The following LIMCH1 variants were observed in gnomAD, a reference collection of about 807,000 sequenced individuals.
The protein encoded by LIMCH1 is LIM and calponin homology domains-containing protein 1.
LIMCH1 carries 113 observed loss-of-function variants against 176.5 expected under a neutral mutation model. The ratio of observed to expected loss-of-function variants is 0.64; its 90% confidence interval spans 0.55 to 0.75. The LOEUF is 0.75. LIMCH1 is among the 30% of genes least tolerant of loss of function. The probability of loss-of-function intolerance (pLI) is 0.00; values close to 1 mark genes in which losing one functional copy is unlikely to be tolerated. For synonymous variants in LIMCH1, 619 were observed against 645.9 expected, an observed-to-expected ratio of 0.96 and a Z score of 0.63; for missense variants, 1,674 against 1,814.9, an observed-to-expected ratio of 0.92 and a Z score of 1.41.
chr4:41,583,113 T>C (rs374095648), intron 1 of LIMCH1, among the ~76,000 whole-genome samples: 1 of 152,216 alleles, frequency 6.6e-6, no homozygotes, highest in Non-Finnish European at 1.5e-5. Context: ...ATGGAACTTA[T>C]TTTAAACATC....
chr4:41,379,600 A>C (rs1467570245), intron 1 of LIMCH1, among the ~76,000 whole-genome samples: 1 of 152,206 alleles, frequency 6.6e-6, no homozygotes, highest in Non-Finnish European at 1.5e-5. Context: ...TAAAGCCATC[A>C]TAAGTGGCTA....
intron 18 of LIMCH1, among the ~76,000 whole-genome samples, chr4:41,660,443 A>G (rs2094581188): frequency 6.6e-6 from 1 of 152,236 alleles, no homozygotes; most frequent in African/African-American, 2.4e-5. Flanking sequence ...AGTGAGGTTC[A>G]AATCACAGAG....
At chr4:41,419,468 C>T (rs957508408) in intron 1 of LIMCH1, among the ~76,000 whole-genome samples, 3 of 152,124 alleles carry the variant, frequency 2.0e-5, no homozygotes, top group Non-Finnish European at 2.9e-5. Flanking sequence ...GCCACCATAC[C>T]CGGCCAAGTC....
At chr4:41,632,708 C>T in intron 10 of LIMCH1, 41 bp from the exon 11 acceptor site, 1 of 1,465,230 alleles carries the variant, frequency 6.8e-7, no homozygotes, top group Admixed American at 2.0e-5. Flanking sequence ...AACCCATGTT[C>T]CTCTCCTCTC....
Position 41,666,650 on chromosome 4 carries a change from A to C in LIMCH1, c.3381A>C (p.Pro1127=). The change falls in exon 21 of 32, where the codon CCA becomes CCC. Residue 1127 remains proline, a synonymous_variant. Coordinates refer to ENST00000503057, the MANE Select transcript of LIMCH1 (RefSeq NM_001330672.2). ...KMPEANQLHL[P]NLNSQVDSPS... is the part of the protein sequence containing the mutation. The stretch of plus-strand genomic sequence containing the variant: ...CTGAAGCCAACCAACTACATTTGCC[A>C]AATCTCAATTCTCAAGGTAAAGAGG... 6.2e-7 allele frequency: 1 copy of C among 1,611,182 alleles called. No individual in the cohort carries two copies. Among genetic ancestry groups the C allele is most frequent in the Non-Finnish European group, 8.5e-7 (1 of 1,177,306 alleles).
intron 1 of LIMCH1, among the ~76,000 whole-genome samples, chr4:41,468,630 A>G (rs566380120): frequency 5.3e-5 from 8 of 152,030 alleles, no homozygotes; most frequent in African/African-American, 1.9e-4. Flanking sequence ...ATATCTTACC[A>G]TTCTAAAATG....
intron 2 of LIMCH1, among the ~76,000 whole-genome samples, chr4:41,517,631 CCT>C (rs2075720425): frequency 6.6e-6 from 1 of 152,098 alleles, no homozygotes; most frequent in South Asian, 2.1e-4. Context: ...ATTTGAAACT[CCT>C]CTGTTTCACA....
intron 1 of LIMCH1, among the ~76,000 whole-genome samples, chr4:41,384,306 G>A (rs1439391987): frequency 7.2e-5 from 11 of 151,846 alleles, no homozygotes; most frequent in African/African-American, 2.2e-4. Flanking sequence ...CTGGGTTGAC[G>A]CCATTCTCCT....
intron 21 of LIMCH1, chr4:41,670,847 C>G (rs1398953372): frequency 6.5e-7 from 1 of 1,529,642 alleles, no homozygotes; most frequent in Non-Finnish European, 8.7e-7. Flanking sequence ...CATGTTGGGG[C>G]GATCAATGAT....
chr4:41,428,131 C>T (rs1339787527), intron 1 of LIMCH1, among the ~76,000 whole-genome samples: 8 of 152,170 alleles, frequency 5.3e-5, no homozygotes, highest in Non-Finnish European at 1.2e-4. Flanking sequence ...GGAGGGGTGT[C>T]GACTTTCTCA....
intron 1 of LIMCH1, among the ~76,000 whole-genome samples, chr4:41,444,530 T>C (rs1444642042): frequency 6.6e-6 from 1 of 152,188 alleles, no homozygotes; most frequent in Non-Finnish European, 1.5e-5. Flanking sequence ...GTGGTGTCTC[T>C]TCATTGGCCA....
chr4:41,605,962 A>C lies in LIMCH1; in HGVS notation c.-34A>C. On this transcript the variant is annotated 5_prime_UTR_variant, in exon 4 of 32. Coordinates refer to ENST00000503057, the MANE Select transcript of LIMCH1 (RefSeq NM_001330672.2). The stretch of plus-strand genomic sequence containing the variant: ...GCACATCCTACAGCGGAACGACACT[A>C]AACCTGAAGGAGTTTGAAGGATTGT... The C allele has an allele frequency of 6.2e-7, 1 of 1,613,826 alleles. No individual in the cohort carries two copies. The highest frequency in any genetic ancestry group is 1.1e-5 in the South Asian group (1 of 91,078).
intron 1 of LIMCH1, among the ~76,000 whole-genome samples, chr4:41,581,817 A>AAAAAAAAAAAAAAC (rs2085513425): frequency 6.6e-6 from 1 of 150,696 alleles, no homozygotes; most frequent in Non-Finnish European, 1.5e-5. Flanking sequence ...AAAAAAAAAA[A>AAAAAAAAAAAAAAC]AAAAAAAAAA....
chr4:41,395,632 C>CT (rs1287564764), intron 1 of LIMCH1, among the ~76,000 whole-genome samples: 1 of 152,074 alleles, frequency 6.6e-6, no homozygotes, highest in Non-Finnish European at 1.5e-5. Context: ...TTCTTGGTAG[C>CT]TGGGTCTCAA....
intron 1 of LIMCH1, among the ~76,000 whole-genome samples, chr4:41,569,467 G>A (rs2083228698): frequency 6.6e-6 from 1 of 152,124 alleles, no homozygotes; most frequent in East Asian, 1.9e-4. Flanking sequence ...ATGAGCAAGA[G>A]GGCAGAAAAA....
chr4:41,571,896 C>T (rs1354572738), intron 1 of LIMCH1, among the ~76,000 whole-genome samples: 1 of 152,110 alleles, frequency 6.6e-6, no homozygotes, highest in Non-Finnish European at 1.5e-5. Flanking sequence ...TAGGTATTTA[C>T]CAGAGCCTGA....
rs529174419 is a variant in LIMCH1 at position 41,619,868 on chromosome 4, A to C, written c.458+428A>C. 1.8e-4 allele frequency: 37 copies of C among 208,034 alleles called. No individual in the cohort carries two copies. The South Asian group carries it at 3.5e-3, about 20-fold the overall frequency. The allele number at this position is 208,034 out of a possible 1,614,324, so 12.9% of individuals were successfully genotyped here. On this transcript the variant is annotated intron_variant, in intron 6 of 31. Transcript: ENST00000503057. Reference sequence around the variant, plus strand: ...TGATATAAGCTCAAATATGTGATGCATGGAATGTGGTTCACAATAACATAT... The same window carrying C: ...TGATATAAGCTCAAATATGTGATGCCTGGAATGTGGTTCACAATAACATAT...
chr4:41,552,274 A>G lies in LIMCH1; in HGVS notation c.-241+13924A>G, dbSNP rs559372763. ...GGAGACACAGCCAAACCATATCACT[A>G]TGTGTTCATGAGCTGTGTGAAGAGT... is the stretch of plus-strand genomic sequence containing the variant. On this transcript the variant is annotated intron_variant, in intron 1 of 31. Transcript: ENST00000503057. Among the ~76,000 whole-genome samples, 5 of 152,222 alleles carry G rather than the reference A, an allele frequency of 3.3e-5. No individual in the cohort carries two copies. The East Asian group carries it at 9.6e-4, about 29-fold the overall frequency.
intron 30 of LIMCH1, 87 bp from the exon 31 acceptor site, chr4:41,692,195 T>C: frequency 1.3e-6 from 1 of 797,034 alleles, no homozygotes; most frequent in Non-Finnish European, 2.2e-6. Flanking sequence ...GAAGGGATTA[T>C]TGTGCTATTC....
Sources: gnomAD v4.1 joint callset for allele counts (sites outside exome capture counted in the v4.1 genomes callset) on GRCh38, gnomAD v4.1.1 for gene constraint, MANE v1.5 for transcripts, NCBI Gene and HGNC (gene_info 2026-07-23, HGNC 2026-07-21) for gene names.